Variants in SLC24A2 observed in about 807,000 individuals in gnomAD.
SLC24A2 encodes the protein sodium/potassium/calcium exchanger 2.
Under a neutral mutation model 62.0 loss-of-function variants are expected in SLC24A2, and 36 were observed. The observed-to-expected ratio is 0.58, with a 90% CI of 0.44 to 0.77. The LOEUF (loss-of-function observed/expected upper bound fraction) is 0.77, where lower values mean the gene tolerates loss of function less well. SLC24A2 is among the 30% of genes least tolerant of loss of function. The pLI is 0.00. For synonymous variants in SLC24A2, 358 were observed against 294.0 expected (o/e 1.22, Z -2.23); for missense variants, 846 against 817.9 (o/e 1.03, Z -0.42).
chr9:20,220,567 A>G, the SLC24A2 span, among the ~76,000 whole-genome samples: 2 of 152,156 alleles, frequency 1.3e-5, no homozygotes, highest in Non-Finnish European at 2.9e-5. Context: ...GTCCCAGGGA[A>G]GTCTCCTGTG....
chr9:20,151,639 A>T, the SLC24A2 span, among the ~76,000 whole-genome samples: 1 of 151,850 alleles, frequency 6.6e-6, no homozygotes, highest in Non-Finnish European at 1.5e-5. Context: ...ACTTAACCAC[A>T]AGTGGGACTG....
chr9:19,983,668 T>G, the SLC24A2 span, among the ~76,000 whole-genome samples: 2 of 152,036 alleles, frequency 1.3e-5, no homozygotes, highest in African/African-American at 4.8e-5. Flanking sequence ...AATGTTTTAT[T>G]TTTTCATCCA....
At chr9:19,788,478 A>C in intron 1 of SLC24A2, 2 of 984,678 alleles carry the variant, frequency 2.0e-6, no homozygotes, top group Non-Finnish European at 2.4e-6. Context: ...GCGTGGTCCC[A>C]AACTTTCCCT....
At chr9:20,283,886 T>C in the SLC24A2 span, among the ~76,000 whole-genome samples, 1 of 152,160 alleles carries the variant, frequency 6.6e-6, no homozygotes, top group Admixed American at 6.5e-5. Context: ...TAGGGAGTTA[T>C]ACGCATGCCC....
At chr9:19,850,996 TATATACAC>T in the SLC24A2 span, among the ~76,000 whole-genome samples, 55 of 49,004 alleles carry the variant, frequency 1.1e-3, 1 homozygote, top group Non-Finnish European at 2.0e-3. Context: ...TATATATATA[TATATACAC>T]ATACATATAT....
intron 2 of SLC24A2, among the ~76,000 whole-genome samples, chr9:19,625,529 A>G (rs1216595362): frequency 6.6e-6 from 1 of 152,120 alleles, no homozygotes; most frequent in Non-Finnish European, 1.5e-5. Context: ...TCTACTTATG[A>G]GAAAATATTC....
chr9:19,595,522 G>A (rs777265435), intron 5 of SLC24A2, among the ~76,000 whole-genome samples: 2 of 152,206 alleles, frequency 1.3e-5, no homozygotes, highest in Non-Finnish European at 2.9e-5. Context: ...CTCAGGGCCA[G>A]CCATGGTTCT....
the SLC24A2 span, among the ~76,000 whole-genome samples, chr9:19,920,475 A>G: frequency 2.2e-3 from 338 of 152,258 alleles, 6 homozygotes; most frequent in East Asian, 0.06. Flanking sequence ...ATTTGGGAGG[A>G]GATCCCAGGA....
At chr9:20,151,630 C>T in the SLC24A2 span, among the ~76,000 whole-genome samples, 1 of 151,868 alleles carries the variant, frequency 6.6e-6, no homozygotes, top group African/African-American at 2.4e-5. Context: ...CATGACCCCA[C>T]TTAACCACAA....
At chr9:20,094,219 A>G in the SLC24A2 span, among the ~76,000 whole-genome samples, 1 of 152,236 alleles carries the variant, frequency 6.6e-6, no homozygotes, top group Non-Finnish European at 1.5e-5. Flanking sequence ...ACATCACAGA[A>G]GAATGACTAT....
At chr9:19,879,554 A>G in the SLC24A2 span, among the ~76,000 whole-genome samples, 169 of 152,314 alleles carry the variant, frequency 1.1e-3, no homozygotes, top group African/African-American at 3.8e-3. Context: ...TACATATCTG[A>G]ATAGTAATTT....
the SLC24A2 span, among the ~76,000 whole-genome samples, chr9:19,910,126 C>G: frequency 1.3e-5 from 2 of 152,054 alleles, no homozygotes; most frequent in Non-Finnish European, 2.9e-5. Context: ...AGCTACCATC[C>G]AATCTTATTT....
At chr9:20,274,040 G>C in the SLC24A2 span, among the ~76,000 whole-genome samples, 1 of 152,194 alleles carries the variant, frequency 6.6e-6, no homozygotes, top group Non-Finnish European at 1.5e-5. Context: ...ACCTACTGAT[G>C]TATGTCTCCA....
chr9:20,180,075 A>C, the SLC24A2 span, among the ~76,000 whole-genome samples: 2 of 152,340 alleles, frequency 1.3e-5, no homozygotes, highest in Middle Eastern at 3.4e-3. Flanking sequence ...ATCAACATAC[A>C]CAAAATCTAG....
At chr9:19,917,081 A>C in the SLC24A2 span, among the ~76,000 whole-genome samples, 1 of 135,648 alleles carries the variant, frequency 7.4e-6, no homozygotes, top group Non-Finnish European at 1.6e-5. Context: ...ATATCTTCTA[A>C]GTTTTTATTC....
chr9:19,797,040 T>G, the SLC24A2 span, among the ~76,000 whole-genome samples: 9 of 152,174 alleles, frequency 5.9e-5, no homozygotes, highest in African/African-American at 2.2e-4. Context: ...ATTCATCAAC[T>G]TTGTCATTTA....
the SLC24A2 span, among the ~76,000 whole-genome samples, chr9:20,233,740 G>T: frequency 5.3e-5 from 8 of 152,122 alleles, no homozygotes; most frequent in East Asian, 1.9e-4. Flanking sequence ...AAAGTTAATA[G>T]TGTTATGTGT....
chr9:19,858,142 G>T, the SLC24A2 span, among the ~76,000 whole-genome samples: 1 of 152,092 alleles, frequency 6.6e-6, no homozygotes, highest in Non-Finnish European at 1.5e-5. Flanking sequence ...GCATGTTACT[G>T]GTACAAAAAC....
chr9:20,066,091 T>C, the SLC24A2 span, among the ~76,000 whole-genome samples: 2 of 152,140 alleles, frequency 1.3e-5, no homozygotes, highest in East Asian at 3.9e-4. Flanking sequence ...AGAAACCTGA[T>C]CCAGTAAATG....
Sources: allele counts gnomAD v4.1 joint callset (sites outside exome capture counted in the v4.1 genomes callset), GRCh38; gene constraint gnomAD v4.1.1; transcripts MANE v1.5; gene names NCBI Gene and HGNC (gene_info 2026-07-23, HGNC 2026-07-21).